Variants in SOX5 observed in about 807,000 individuals in gnomAD.
SOX5 encodes transcription factor SOX-5.
In SOX5, 9 loss-of-function variants were observed where a neutral mutation model predicts 92.0. The observed-to-expected ratio is 0.10, with a 90% confidence interval of 0.06 to 0.17. The LOEUF (loss-of-function observed/expected upper bound fraction) is 0.17. SOX5 is among the 10% of genes least tolerant of loss of function. SOX5 has a pLI of 1.00. For synonymous variants in SOX5, 344 were observed against 336.3 expected (o/e 1.02, Z -0.25); for missense variants, 642 against 944.5 (o/e 0.68, Z 4.20).
In SOX5 at chr12:23,883,257, G is replaced by A. The variant is rs73267720; in HGVS notation, c.270+12536C>T. On this transcript the variant is annotated intron_variant, in intron 2 of 14. Transcript: ENST00000451604. ...AACCACAGAGCTTTCTACTTTAAAT[G>A]AGTTTGCATCTCATGTTCAAGGTGA... Among the ~76,000 whole-genome samples, 530 of 151,898 alleles carry A rather than the reference G, an allele frequency of 3.5e-3. 2 individuals are homozygous for A. The highest frequency in any genetic ancestry group is 0.012 in the African/African-American group (503 of 41,446).
intron 1 of SOX5, among the ~76,000 whole-genome samples, chr12:23,927,622 C>G (rs1410845055): frequency 1.3e-5 from 2 of 152,142 alleles, no homozygotes; most frequent in East Asian, 3.9e-4. Context: ...AGTCTAAAGT[C>G]TCTCCATCAT....
intron 3 of SOX5, among the ~76,000 whole-genome samples, chr12:24,235,724 ATCTATC>A (rs1358552905): frequency 1.2e-4 from 18 of 152,226 alleles, no homozygotes; most frequent in African/African-American, 4.1e-4. Flanking sequence ...CTTAAGTCTC[ATCTATC>A]TCTAATTTTC....
chr12:23,892,634 A>C (rs2097139914), intron 2 of SOX5, among the ~76,000 whole-genome samples: 3 of 152,200 alleles, frequency 2.0e-5, no homozygotes, highest in African/African-American at 7.2e-5. Flanking sequence ...TCTTCCAACT[A>C]TTTACTCAAG....
chr12:24,298,474 T>C (rs1473682404), intron 2 of SOX5, among the ~76,000 whole-genome samples: 1 of 152,208 alleles, frequency 6.6e-6, no homozygotes, highest in Non-Finnish European at 1.5e-5. Context: ...TATGTATTCC[T>C]AATATTTTTA....
chr12:24,287,001 G>C (rs1329553478), intron 2 of SOX5, among the ~76,000 whole-genome samples: 1 of 152,166 alleles, frequency 6.6e-6, no homozygotes, highest in Non-Finnish European at 1.5e-5. Flanking sequence ...TCTGGGAATA[G>C]AATTTTTGAA....
intron 1 of SOX5, among the ~76,000 whole-genome samples, chr12:24,402,917 C>T (rs182628549): frequency 3.9e-5 from 6 of 152,164 alleles, no homozygotes; most frequent in South Asian, 2.1e-4. Flanking sequence ...ACTTCTAATC[C>T]GTCTATCCAA....
At chr12:24,344,719 G>A (rs569663856) in intron 2 of SOX5, among the ~76,000 whole-genome samples, 1 of 152,142 alleles carries the variant, frequency 6.6e-6, no homozygotes, top group Admixed American at 6.5e-5. Context: ...AATGTGCTCT[G>A]AATAACCGAA....
At chr12:24,313,181 C>T (rs1461217945) in intron 2 of SOX5, among the ~76,000 whole-genome samples, 1 of 152,122 alleles carries the variant, frequency 6.6e-6, no homozygotes, top group Non-Finnish European at 1.5e-5. Context: ...TAACAAACCT[C>T]TACTTAAATG....
intron 6 of SOX5, among the ~76,000 whole-genome samples, chr12:23,694,867 C>A (rs2140101789): frequency 6.6e-6 from 1 of 152,210 alleles, no homozygotes; most frequent in East Asian, 1.9e-4. Context: ...GCCTGTAATC[C>A]CAGCACTTTG....
intron 4 of SOX5, among the ~76,000 whole-genome samples, chr12:24,052,601 T>C (rs982097470): frequency 1.3e-5 from 2 of 152,228 alleles, no homozygotes; most frequent in African/African-American, 2.4e-5. Flanking sequence ...GCAGTTAGTG[T>C]TGTCAGAATT....
intron 4 of SOX5, among the ~76,000 whole-genome samples, chr12:24,110,900 CAAAAAAAAAAAAA>C (rs67100585): frequency 1.1e-4 from 3 of 27,588 alleles, no homozygotes; most frequent in Non-Finnish European, 1.6e-4. Context: ...GACTCCACTT[CAAAAAAAAAAAAA>C]AAAAAAAAAA....
intron 1 of SOX5, among the ~76,000 whole-genome samples, chr12:23,921,239 G>A (rs375964811): frequency 1.3e-5 from 2 of 152,162 alleles, no homozygotes; most frequent in African/African-American, 2.4e-5. Context: ...GATTAAATAC[G>A]AGCATTTTTA....
intron 4 of SOX5, among the ~76,000 whole-genome samples, chr12:24,007,759 G>A (rs1300618267): frequency 9.5e-6 from 1 of 105,564 alleles, no homozygotes; most frequent in Admixed American, 1.2e-4. Flanking sequence ...GTATATAAAT[G>A]TATATAAATG....
intron 8 of SOX5, among the ~76,000 whole-genome samples, chr12:23,613,900 C>T (rs755227632): frequency 6.6e-6 from 1 of 152,112 alleles, no homozygotes; most frequent in African/African-American, 2.4e-5. Context: ...TTAATGACTA[C>T]GGACCTTCAG....
At chr12:23,730,216 G>GGA (rs2093340024) in intron 6 of SOX5, among the ~76,000 whole-genome samples, 1 of 150,640 alleles carries the variant, frequency 6.6e-6, no homozygotes, top group South Asian at 2.1e-4. Flanking sequence ...AGAGTAAGAG[G>GGA]GAAAAAAAAG....
intron 11 of SOX5, among the ~76,000 whole-genome samples, chr12:23,558,584 T>C (rs547483973): frequency 1.3e-5 from 2 of 152,030 alleles, no homozygotes; most frequent in East Asian, 3.9e-4. Flanking sequence ...GCTTCAATTA[T>C]GTGATAAAAA....
At chr12:24,409,396 C>G (rs1219261060) in intron 1 of SOX5, among the ~76,000 whole-genome samples, 1 of 151,994 alleles carries the variant, frequency 6.6e-6, no homozygotes, top group Non-Finnish European at 1.5e-5. Flanking sequence ...CAAACCACCA[C>G]GGCACACATA....
intron 8 of SOX5, among the ~76,000 whole-genome samples, chr12:23,631,911 G>C (rs530519524): frequency 6.6e-6 from 1 of 152,024 alleles, no homozygotes; most frequent in Non-Finnish European, 1.5e-5. Context: ...GGAACTCTAG[G>C]GGTGGTAATA....
At chr12:24,363,348 C>T (rs796547014) in intron 2 of SOX5, among the ~76,000 whole-genome samples, 35 of 152,248 alleles carry the variant, frequency 2.3e-4, no homozygotes, top group African/African-American at 8.2e-4. Flanking sequence ...GGAACACAGC[C>T]AGAAGCCATG....
Sources: gnomAD v4.1 joint callset for allele counts (sites outside exome capture counted in the v4.1 genomes callset) on GRCh38, gnomAD v4.1.1 for gene constraint, MANE v1.5 for transcripts, NCBI Gene and HGNC (gene_info 2026-07-23, HGNC 2026-07-21) for gene names.